ZFAT: variants seen among roughly 807,000 people sequenced by gnomAD.
ZFAT encodes zinc finger and AT-hook domain containing, also known as zinc finger protein ZFAT.
In ZFAT, 64 loss-of-function variants were observed where a neutral mutation model predicts 117.7. The ratio of observed to expected loss-of-function variants is 0.54; its 90% CI spans 0.44 to 0.67. The LOEUF is 0.67. ZFAT is among the 30% of genes least tolerant of loss of function. The pLI, the probability that ZFAT is intolerant of heterozygous loss-of-function variation, is 0.00. For missense variants in ZFAT, 1,433 were observed against 1,584.5 expected (o/e 0.90, Z 1.62); for synonymous variants, 679 against 615.0 (o/e 1.10, Z -1.54).
the ZFAT span, among the ~76,000 whole-genome samples, chr8:134,732,275 GT>G: frequency 1.3e-5 from 2 of 152,232 alleles, no homozygotes; most frequent in Non-Finnish European, 2.9e-5. Flanking sequence ...CGCTCTGCAG[GT>G]TTTTTACTGT....
the ZFAT span, chr8:134,796,464 C>T: frequency 2.0e-5 from 3 of 152,240 alleles, no homozygotes; most frequent in Non-Finnish European, 4.4e-5. Context: ...TCCCCACACA[C>T]ATTTGGTGAG....
At chr8:134,541,150 T>C (rs1822222535) in intron 11 of ZFAT, among the ~76,000 whole-genome samples, 1 of 152,188 alleles carries the variant, frequency 6.6e-6, no homozygotes, top group Admixed American at 6.5e-5. Context: ...TTGAATATTT[T>C]TCCCTCCAGA....
chr8:134,786,273 A>G, the ZFAT span, among the ~76,000 whole-genome samples: 9 of 152,186 alleles, frequency 5.9e-5, no homozygotes, highest in Admixed American at 4.6e-4. Flanking sequence ...CAAGATCTCC[A>G]GTGCAACATG....
Position 134,478,550 on chromosome 8 carries a change from CGAT to C in ZFAT, c.3661_3663del (p.Ile1221del), listed in dbSNP as rs1563752809. Reference sequence around the variant, plus strand: ...GGCTGCATGGCCTCCTGCACGTAGACGATGAACTCCGAGGCCTCCCCGCCCTGC... The same window carrying C: ...GGCTGCATGGCCTCCTGCACGTAGACGAACTCCGAGGCCTCCCCGCCCTGC... On this transcript the variant is annotated inframe_deletion, in exon 16 of 16. Transcript: ENST00000377838. The surrounding 1 kb of genome is among the most constrained non-coding windows in gnomAD (Gnocchi z 5.2). 1 of 1,594,214 alleles carries C rather than the reference CGAT, an allele frequency of 6.3e-7. No individual in the cohort carries two copies. Among genetic ancestry groups the C allele is most frequent in the Admixed American group, 1.7e-5 (1 of 57,612 alleles).
chr8:134,783,399 T>C, the ZFAT span, among the ~76,000 whole-genome samples: 1 of 152,114 alleles, frequency 6.6e-6, no homozygotes, highest in Non-Finnish European at 1.5e-5. Flanking sequence ...GCAAGGGATC[T>C]AGGTTGCACA....
At chr8:134,726,665 G>A in the ZFAT span, among the ~76,000 whole-genome samples, 6 of 152,142 alleles carry the variant, frequency 3.9e-5, no homozygotes, top group Non-Finnish European at 5.9e-5. Context: ...TGCGATCTCA[G>A]CTCACTGCAA....
chr8:134,774,835 A>T, the ZFAT span, among the ~76,000 whole-genome samples: 1 of 151,922 alleles, frequency 6.6e-6, no homozygotes, highest in Non-Finnish European at 1.5e-5. Context: ...GAACACAGTC[A>T]GCCAGGCATG....
intron 7 of ZFAT, among the ~76,000 whole-genome samples, chr8:134,592,554 A>G (rs1826585686): frequency 6.6e-6 from 1 of 152,222 alleles, no homozygotes; most frequent in Non-Finnish European, 1.5e-5. Context: ...ATAAAAAACA[A>G]TGCCTCCTTC....
chr8:134,510,009 C>T (rs1819696704), intron 14 of ZFAT: 2 of 493,978 alleles, frequency 4.0e-6, no homozygotes, highest in Middle Eastern at 3.1e-4. Flanking sequence ...TTTGTAGAAG[C>T]CTCATTTGGG....
At chr8:134,702,787 T>C (rs1221691412) in intron 1 of ZFAT, among the ~76,000 whole-genome samples, 4 of 151,894 alleles carry the variant, frequency 2.6e-5, no homozygotes, top group Admixed American at 1.3e-4. Context: ...TTCTCCTGCC[T>C]CAGCCTCCCG....
chr8:134,783,145 T>A, the ZFAT span, among the ~76,000 whole-genome samples: 1 of 152,222 alleles, frequency 6.6e-6, no homozygotes, highest in Non-Finnish European at 1.5e-5. Context: ...GTTAAAAGTT[T>A]GAGATTTCAT....
chr8:134,695,504 G>A lies in ZFAT; in HGVS notation c.19+17341C>T, dbSNP rs531347629. 7.4e-4 allele frequency among the ~76,000 whole-genome samples: 111 copies of A among 150,468 alleles called. 1 individual carries two copies. Among genetic ancestry groups the A allele is most frequent in the Admixed American group, 3.0e-3 (45 of 15,180 alleles). Reference sequence around the variant, plus strand: ...CAGGCCTGGGCCATCTCTAACAAAGGCGGCACCGCCCCCACCCCCAGGCCC... The same window carrying A: ...CAGGCCTGGGCCATCTCTAACAAAGACGGCACCGCCCCCACCCCCAGGCCC... On this transcript the variant is annotated intron_variant, in intron 1 of 15. Coordinates refer to ENST00000377838, the MANE Select transcript of ZFAT (RefSeq NM_020863.4).
chr8:134,667,349 C>T (rs561812157), intron 1 of ZFAT, among the ~76,000 whole-genome samples: 6 of 151,882 alleles, frequency 4.0e-5, no homozygotes, highest in African/African-American at 1.2e-4. Context: ...AAAAATTAGC[C>T]GGGCGTGGTG....
chr8:134,675,746 C>T (rs1003064060), intron 1 of ZFAT, among the ~76,000 whole-genome samples: 5 of 152,164 alleles, frequency 3.3e-5, no homozygotes, highest in Admixed American at 2.0e-4. Context: ...GCGGATCTCT[C>T]GGCAGAAACC....
intron 5 of ZFAT, among the ~76,000 whole-genome samples, chr8:134,604,912 C>A (rs1474354421): frequency 6.6e-6 from 1 of 152,100 alleles, no homozygotes; most frequent in Non-Finnish European, 1.5e-5. Flanking sequence ...ACAAAGAATG[C>A]CAAAGAAAGA....
chr8:134,822,609 A>C, the ZFAT span, among the ~76,000 whole-genome samples: 244 of 152,320 alleles, frequency 1.6e-3, 2 homozygotes, highest in African/African-American at 5.7e-3. Context: ...TTATGAGAGC[A>C]TAAGTGTGAG....
chr8:134,605,466 A>G (rs2130945973), intron 5 of ZFAT, among the ~76,000 whole-genome samples: 1 of 152,066 alleles, frequency 6.6e-6, no homozygotes, highest in African/African-American at 2.4e-5. Flanking sequence ...GAATGGCGTG[A>G]ACCCAGGGGG....
chr8:134,727,134 GA>G, the ZFAT span, among the ~76,000 whole-genome samples: 5 of 148,638 alleles, frequency 3.4e-5, no homozygotes, highest in Admixed American at 2.0e-4. Flanking sequence ...ACGAAGTGGA[GA>G]AAAAAAAAAA....
At position 134,600,615 on chromosome 8, in the gene ZFAT, G is replaced by A. The variant is rs757370924; in HGVS notation, c.2296C>T (p.Arg766Trp). The change falls in exon 7 of 16, where the codon CGG (arginine) becomes TGG (tryptophan). Residue 766 changes from arginine to tryptophan, a missense_variant. Physicochemically the swap from Arg to Trp is moderately radical, Grantham distance 101. Coordinates refer to ENST00000377838, the MANE Select transcript of ZFAT (RefSeq NM_020863.4). ...HFDMHVRTHT[R>W]EHLYYCSQCH... ...TGAGAGCAATAATACAGATGTTCCC[G>A]GGTGTGGGTGCGGACATGCATATCA... is the stretch of plus-strand genomic sequence containing the variant. 9 of 1,613,460 alleles carry A rather than the reference G, an allele frequency of 5.6e-6. No homozygotes were observed. Among genetic ancestry groups the A allele is most frequent in the East Asian group, 2.2e-5 (1 of 44,890 alleles).
Sources: allele counts gnomAD v4.1 joint callset (sites outside exome capture counted in the v4.1 genomes callset), GRCh38; gene constraint gnomAD v4.1.1; non-coding constraint Gnocchi (gnomAD v3.1); transcripts MANE v1.5; gene names NCBI Gene and HGNC (gene_info 2026-07-23, HGNC 2026-07-21).